Variants in CADPS observed in about 807,000 individuals in gnomAD.
CADPS encodes calcium dependent secretion activator.
In CADPS, 57 loss-of-function variants were observed where a neutral mutation model predicts 167.3. The ratio of observed to expected loss-of-function variants is 0.34; its 90% CI spans 0.28 to 0.42. The LOEUF is 0.42. Ranked by LOEUF, CADPS falls within the 20% of genes least tolerant of loss-of-function variation. CADPS has a pLI of 1.00. For missense variants in CADPS, 1,414 were observed against 1,738.1 expected (o/e 0.81, Z 3.32); for synonymous variants, 676 against 635.3 (o/e 1.06, Z -0.96).
At chr3:62,642,693 G>C (rs2067669056) in intron 6 of CADPS, among the ~76,000 whole-genome samples, 1 of 152,116 alleles carries the variant, frequency 6.6e-6, no homozygotes, top group African/African-American at 2.4e-5. Flanking sequence ...CAGGTCACTT[G>C]AGCCCAAGAG....
At chr3:62,612,280 G>T (rs1247063893) in intron 6 of CADPS, among the ~76,000 whole-genome samples, 1 of 152,168 alleles carries the variant, frequency 6.6e-6, no homozygotes, top group African/African-American at 2.4e-5. Flanking sequence ...ACATATTAAG[G>T]TGTCATGAGG....
rs542624222 is a variant in CADPS, at chr3:62,621,363, T to C, written c.1325+24359A>G. ...GATCAGAACATCCACCTTCAAGGAA[T>C]GGGAATGTTTAGTGGGTTGGCAGAA... On this transcript the variant is annotated intron_variant, in intron 6 of 29. Coordinates refer to ENST00000383710, the MANE Select transcript of CADPS (RefSeq NM_003716.4). Among the ~76,000 whole-genome samples the C allele has an allele frequency of 3.3e-5, 5 of 152,184 alleles. No individual in the cohort carries two copies. In the South Asian group the frequency reaches 6.2e-4, roughly 19 times the overall value.
chr3:62,829,729 T>C (rs755740087), intron 1 of CADPS, among the ~76,000 whole-genome samples: 4 of 152,170 alleles, frequency 2.6e-5, no homozygotes, highest in South Asian at 2.1e-4. Context: ...TGGGCTATTA[T>C]TGGCTCTCTG....
chr3:62,561,149 G>C (rs987333655), intron 9 of CADPS, among the ~76,000 whole-genome samples: 1 of 151,484 alleles, frequency 6.6e-6, no homozygotes, highest in Non-Finnish European at 1.5e-5. Flanking sequence ...TGGGGGGTGA[G>C]GGGGTGGATT....
rs75706705 is a variant in CADPS at position 62,538,224 on chromosome 3, G to T, written c.1967-1643C>A. Among the ~76,000 whole-genome samples, 538 of 152,102 alleles carry T rather than the reference G, an allele frequency of 3.5e-3. 2 individuals carry two copies. The highest frequency in any genetic ancestry group is 6.8e-3 in the Middle Eastern group (2 of 294). On this transcript the variant is annotated intron_variant, in intron 11 of 29. Coordinates refer to ENST00000383710, the MANE Select transcript of CADPS (RefSeq NM_003716.4). ...AGGCTTCTTTCAGTTCGGTTGTTTG[G>T]TCTCCAAACTACATTTCTTCTTTGA...
intron 21 of CADPS, among the ~76,000 whole-genome samples, chr3:62,485,323 C>T (rs552649099): frequency 1.2e-4 from 18 of 152,206 alleles, no homozygotes; most frequent in African/African-American, 3.6e-4. Context: ...TCCATGCTGG[C>T]GAAAACTCAG....
Position 62,549,919 on chromosome 3 carries a change from G to A in CADPS, c.1950C>T (p.Ala650=), listed in dbSNP as rs138648839. ...AKGGNVPQLD[A]PISQFYADRA... is the part of the protein sequence containing the mutation. ...TTTACTTACAAAATTGAGAGATAGG[G>A]GCATCCAGCTGAGGTACATTTCCTC... is the stretch of plus-strand genomic sequence containing the variant. Residue 650 remains alanine, a synonymous_variant, in exon 11 of 30, where the codon GCC becomes GCT. Coordinates refer to ENST00000383710, the MANE Select transcript of CADPS (RefSeq NM_003716.4). The A allele has an allele frequency of 1.7e-4, 271 of 1,613,650 alleles. No individual in the cohort carries two copies. The highest frequency in any genetic ancestry group is 2.1e-4 in the Non-Finnish European group (242 of 1,179,744).
At chr3:62,822,608 G>A (rs966891573) in intron 1 of CADPS, among the ~76,000 whole-genome samples, 4 of 152,162 alleles carry the variant, frequency 2.6e-5, no homozygotes, top group South Asian at 2.1e-4. Flanking sequence ...TTGGGAGGCC[G>A]AGACGGGTGG....
At chr3:62,560,755 CT>C (rs2079008281) in intron 9 of CADPS, among the ~76,000 whole-genome samples, 1 of 152,164 alleles carries the variant, frequency 6.6e-6, no homozygotes, top group Non-Finnish European at 1.5e-5. Context: ...CGTGCTTAAA[CT>C]ACAGAATGCT....
chr3:62,767,485 T>C (rs1386719603), intron 1 of CADPS, among the ~76,000 whole-genome samples: 2 of 152,230 alleles, frequency 1.3e-5, no homozygotes, highest in African/African-American at 2.4e-5. Flanking sequence ...AGTTTTTATA[T>C]AAATCCAAGT....
intron 8 of CADPS, among the ~76,000 whole-genome samples, chr3:62,572,613 T>G (rs1047524902): frequency 6.6e-6 from 1 of 152,202 alleles, no homozygotes; most frequent in Admixed American, 6.5e-5. Context: ...ACCTATTCTA[T>G]GATTTACTTG....
chr3:62,472,139 G>A (rs988878142), intron 24 of CADPS, among the ~76,000 whole-genome samples: 1 of 152,200 alleles, frequency 6.6e-6, no homozygotes, highest in African/African-American at 2.4e-5. Context: ...TATATGAAAT[G>A]TTCAGAATAG....
At position 62,874,497 on chromosome 3, in the gene CADPS, T is replaced by C; in HGVS notation, c.441+92A>G. 3 of 1,010,386 alleles carry C rather than the reference T, an allele frequency of 3.0e-6. No individual in the cohort carries two copies. 62.6% of individuals were successfully genotyped at this position (1,010,386 alleles called of 1,614,324 possible). A position where few individuals can be genotyped will look rare whatever the true frequency, so the allele number is the denominator to read the frequency against. ...GCGCGGTCTCCACCTCTCCTGCTCC[T>C]CCTCGCCAGCTGCGCCGCCAGCTCC... On this transcript the variant is annotated intron_variant, in intron 1 of 29. Transcript: ENST00000383710. This position sits in a 1 kb window ranked among gnomAD's most constrained non-coding sequence, Gnocchi z 7.1.
intron 3 of CADPS, among the ~76,000 whole-genome samples, chr3:62,734,036 G>A (rs2078484001): frequency 6.6e-6 from 1 of 152,206 alleles, no homozygotes; most frequent in African/African-American, 2.4e-5. Flanking sequence ...CTACTTGTTG[G>A]TTGATGGACA....
intron 17 of CADPS, among the ~76,000 whole-genome samples, chr3:62,505,021 T>C (rs528041548): frequency 6.6e-6 from 1 of 152,166 alleles, no homozygotes; most frequent in Non-Finnish European, 1.5e-5. Context: ...CTAGTATTTG[T>C]ATTATGCAAT....
At chr3:62,527,732 C>T (rs766880937) in intron 13 of CADPS, among the ~76,000 whole-genome samples, 4 of 152,040 alleles carry the variant, frequency 2.6e-5, no homozygotes, top group Non-Finnish European at 5.9e-5. Context: ...CTGCCTCTGC[C>T]GGTGGAAATG....
At chr3:62,419,396 C>T (rs547073720) in intron 28 of CADPS, among the ~76,000 whole-genome samples, 24 of 152,118 alleles carry the variant, frequency 1.6e-4, no homozygotes, top group Admixed American at 1.6e-3. Context: ...ACCCCCATGC[C>T]TTTAGCCTCC....
chr3:62,712,118 TTTTAA>T (rs2083511479), intron 3 of CADPS, among the ~76,000 whole-genome samples: 1 of 152,222 alleles, frequency 6.6e-6, no homozygotes, highest in African/African-American at 2.4e-5. Flanking sequence ...ATTGATGGCA[TTTTAA>T]TTGTTTTAAA....
intron 26 of CADPS, among the ~76,000 whole-genome samples, chr3:62,460,966 G>A (rs2059266920): frequency 1.3e-5 from 2 of 152,146 alleles, no homozygotes; most frequent in African/African-American, 2.4e-5. Context: ...TAGGGGACTT[G>A]AGAAGACTTG....
Sources: gnomAD v4.1 joint callset for allele counts (sites outside exome capture counted in the v4.1 genomes callset) on GRCh38, gnomAD v4.1.1 for gene constraint, Gnocchi (gnomAD v3.1) non-coding constraint, MANE v1.5 for transcripts, NCBI Gene and HGNC (gene_info 2026-07-23, HGNC 2026-07-21) for gene names.